NAV2: variants seen among roughly 807,000 people sequenced by gnomAD.
The protein encoded by NAV2 is neuron navigator 2, also known as helicase, APC down-regulated 1.
NAV2 carries 54 observed loss-of-function variants against 223.2 expected under a neutral mutation model. The ratio of observed to expected loss-of-function variants is 0.24; its 90% CI spans 0.19 to 0.30. The LOEUF (loss-of-function observed/expected upper bound fraction) is 0.30. Ranked by LOEUF, NAV2 falls within the 10% of genes least tolerant of loss-of-function variation. The pLI is 1.00. For missense variants in NAV2, 2,806 were observed against 3,147.5 expected (o/e 0.89, Z 2.60); for synonymous variants, 1,279 against 1,239.3 (o/e 1.03, Z -0.67).
rs1363317249 is a variant in NAV2, at chr11:20,099,674, C to T, written c.6182-1263C>T. ...TGAGCTGAAAGAGTTGCCTGAGCTG[C>T]AGTGATTCACTTCAGTGGTACCAGG... On this transcript the variant is annotated intron_variant, in intron 31 of 37. Coordinates refer to ENST00000349880, the MANE Select transcript of NAV2 (RefSeq NM_145117.5). Among the ~76,000 whole-genome samples the T allele has an allele frequency of 3.3e-5, 5 of 152,190 alleles. No individual in the cohort carries two copies. In the South Asian group the frequency reaches 1.0e-3, roughly 32 times the overall value.
At chr11:19,700,987 A>T (rs1375653635) in intron 1 of NAV2, among the ~76,000 whole-genome samples, 1 of 152,206 alleles carries the variant, frequency 6.6e-6, no homozygotes, top group Non-Finnish European at 1.5e-5. Context: ...TGTCTCCATT[A>T]TCTCAAATCC....
At chr11:19,635,086 G>A (rs530167823) in intron 1 of NAV2, among the ~76,000 whole-genome samples, 8 of 152,288 alleles carry the variant, frequency 5.3e-5, no homozygotes, top group Non-Finnish European at 7.3e-5. Flanking sequence ...CTCTGCCATC[G>A]TTTGGCTCCT....
At chr11:19,979,213 G>A (rs921459251) in intron 10 of NAV2, 3 of 152,232 alleles carry the variant, frequency 2.0e-5, no homozygotes, top group African/African-American at 7.2e-5. Context: ...AGAAAGTACT[G>A]ATGAGAAAAT....
intron 1 of NAV2, among the ~76,000 whole-genome samples, chr11:19,514,759 C>T (rs1261929020): frequency 2.6e-5 from 4 of 152,162 alleles, no homozygotes; most frequent in South Asian, 2.1e-4. Context: ...GTCTCCTGCC[C>T]GCAGCAGCTG....
At chr11:20,046,258 C>T (rs1479834113) in intron 14 of NAV2, among the ~76,000 whole-genome samples, 2 of 151,864 alleles carry the variant, frequency 1.3e-5, no homozygotes, top group African/African-American at 4.8e-5. Context: ...ATCACTTGAA[C>T]CCAGGAGGCG....
chr11:19,848,089 C>T (rs2060903815), intron 3 of NAV2, among the ~76,000 whole-genome samples: 1 of 152,180 alleles, frequency 6.6e-6, no homozygotes, highest in African/African-American at 2.4e-5. Context: ...TTTGGTGCCC[C>T]TGCTGCATAG....
At chr11:19,909,065 C>T (rs2043106462) in intron 6 of NAV2, among the ~76,000 whole-genome samples, 1 of 152,040 alleles carries the variant, frequency 6.6e-6, no homozygotes, top group Admixed American at 6.5e-5. Flanking sequence ...TCTGTTCATG[C>T]CATATTCAAG....
At chr11:19,714,646 C>G (rs1035556304) in intron 1 of NAV2, 20 of 368,320 alleles carry the variant, frequency 5.4e-5, no homozygotes, top group South Asian at 2.6e-4. Flanking sequence ...GAATGGCGGC[C>G]GAAGCTAAGC....
chr11:19,455,927 G>T (rs774776507), intron 1 of NAV2, among the ~76,000 whole-genome samples: 16 of 152,216 alleles, frequency 1.1e-4, no homozygotes, highest in Non-Finnish European at 2.1e-4. Context: ...ACCTATAGAA[G>T]GCAGAGGCAT....
At chr11:19,360,494 C>G (rs183499247) in intron 1 of NAV2, among the ~76,000 whole-genome samples, 1 of 152,252 alleles carries the variant, frequency 6.6e-6, no homozygotes, top group East Asian at 1.9e-4. Context: ...AAAGTCTCTC[C>G]GACTGTTTTA....
At chr11:19,658,298 A>G (rs1448759314) in intron 1 of NAV2, among the ~76,000 whole-genome samples, 1 of 152,168 alleles carries the variant, frequency 6.6e-6, no homozygotes, top group Non-Finnish European at 1.5e-5. Context: ...ACTTTTAGCT[A>G]TTATTCTATA....
chr11:20,007,985 C>A (rs1024962556), intron 11 of NAV2, among the ~76,000 whole-genome samples: 11 of 152,212 alleles, frequency 7.2e-5, no homozygotes, highest in African/African-American at 1.9e-4. Flanking sequence ...TTGTAGAAAT[C>A]TTGTGAGACT....
chr11:20,063,435 C>T (rs533368531), intron 20 of NAV2, among the ~76,000 whole-genome samples: 56 of 152,244 alleles, frequency 3.7e-4, no homozygotes, highest in African/African-American at 1.2e-3. Context: ...TAAAGTGGCA[C>T]GACCTTGGCT....
intron 1 of NAV2, among the ~76,000 whole-genome samples, chr11:19,507,776 T>C (rs988165205): frequency 2.0e-4 from 30 of 152,224 alleles, no homozygotes; most frequent in African/African-American, 6.8e-4. Flanking sequence ...TATGTCCCTA[T>C]GTTGTGTACA....
chr11:19,481,671 C>A (rs1787934092), intron 1 of NAV2, among the ~76,000 whole-genome samples: 1 of 152,230 alleles, frequency 6.6e-6, no homozygotes, highest in African/African-American at 2.4e-5. Flanking sequence ...CAGTGCCCAG[C>A]ACATAGTAAA....
chr11:19,585,061 T>C (rs1270744839), intron 1 of NAV2, among the ~76,000 whole-genome samples: 2 of 152,236 alleles, frequency 1.3e-5, no homozygotes, highest in Admixed American at 6.5e-5. Flanking sequence ...ATCTGGGTGC[T>C]CCTATATTGG....
At chr11:19,826,772 A>G (rs567022673) in intron 1 of NAV2, among the ~76,000 whole-genome samples, 1 of 152,332 alleles carries the variant, frequency 6.6e-6, no homozygotes, top group Non-Finnish European at 1.5e-5. Context: ...TGCTCTTTTT[A>G]ATCAATAAAG....
chr11:19,732,174 G>A (rs868043763), intron 1 of NAV2, among the ~76,000 whole-genome samples: 3 of 151,924 alleles, frequency 2.0e-5, no homozygotes, highest in Non-Finnish European at 2.9e-5. Flanking sequence ...CAGGAGAATC[G>A]CTTGAACCCA....
At chr11:19,976,089 A>T (rs897535114) in intron 10 of NAV2, among the ~76,000 whole-genome samples, 1 of 152,178 alleles carries the variant, frequency 6.6e-6, no homozygotes, top group Non-Finnish European at 1.5e-5. Context: ...TGAGAAATAA[A>T]TATACGTAGA....
Sources: allele counts gnomAD v4.1 joint callset (sites outside exome capture counted in the v4.1 genomes callset), GRCh38; gene constraint gnomAD v4.1.1; transcripts MANE v1.5; gene names NCBI Gene and HGNC (gene_info 2026-07-23, HGNC 2026-07-21).